Variants in RANBP17 observed in about 807,000 individuals in gnomAD.
RANBP17 encodes the protein ran-binding protein 17.
In RANBP17, 158 loss-of-function variants were observed where a neutral mutation model predicts 141.2. The observed-to-expected ratio is 1.12, with a 90% CI of 0.98 to 1.28. The LOEUF (loss-of-function observed/expected upper bound fraction) is 1.28, where lower values mean the gene tolerates loss of function less well. Among genes scored for constraint, RANBP17 ranks in the 50% most tolerant of loss-of-function variants. The pLI, the probability that RANBP17 is intolerant of heterozygous loss-of-function variation, is 0.00. For missense variants in RANBP17, 1,438 were observed against 1,290.7 expected, an observed-to-expected ratio of 1.11 and a Z score of -1.75; for synonymous variants, 430 against 450.0, an observed-to-expected ratio of 0.96 and a Z score of 0.56.
chr5:171,071,829 A>C (rs1305485213), intron 14 of RANBP17, among the ~76,000 whole-genome samples: 1 of 152,074 alleles, frequency 6.6e-6, no homozygotes. Flanking sequence ...TGAGTACTTA[A>C]AATTGACACC....
chr5:170,966,011 A>T (rs1015767095), intron 13 of RANBP17, among the ~76,000 whole-genome samples: 2 of 152,138 alleles, frequency 1.3e-5, no homozygotes, highest in African/African-American at 2.4e-5. Context: ...TTTATCTCTG[A>T]ATAGACCAAT....
At chr5:171,014,210 A>G (rs553836409) in intron 14 of RANBP17, among the ~76,000 whole-genome samples, 2 of 151,808 alleles carry the variant, frequency 1.3e-5, no homozygotes, top group East Asian at 3.9e-4. Flanking sequence ...TAACCTATCT[A>G]TGTCTTTATA....
intron 14 of RANBP17, among the ~76,000 whole-genome samples, chr5:171,089,668 G>A (rs368826372): frequency 0.11 from 16,303 of 152,054 alleles, 1,017 homozygotes; most frequent in Middle Eastern, 0.29. Context: ...GTGGTGCGCC[G>A]TTTTTTAAGC....
At chr5:171,195,797 GTC>G (rs1281969949) in intron 18 of RANBP17, among the ~76,000 whole-genome samples, 1 of 152,166 alleles carries the variant, frequency 6.6e-6, no homozygotes, top group African/African-American at 2.4e-5. Context: ...ATTCCTTTGA[GTC>G]TCTCTGCTCA....
Position 171,278,810 on chromosome 5 carries a change from C to G in RANBP17, c.2943+12963C>G, listed in dbSNP as rs1400451864. ...TTATAGACTTAAGTTTTATCAGAGA[C>G]CACTCTTGACTCGGGAGAGTTGTGA... On this transcript the variant is annotated intron_variant, in intron 25 of 27. Coordinates refer to ENST00000523189, the MANE Select transcript of RANBP17 (RefSeq NM_022897.5). Among the ~76,000 whole-genome samples the G allele has an allele frequency of 3.9e-5, 6 of 152,130 alleles. No individual in the cohort carries two copies. In the East Asian group the frequency reaches 1.2e-3, roughly 29 times the overall value.
chr5:170,985,158 GACAC>G (rs562988464), intron 14 of RANBP17, among the ~76,000 whole-genome samples: 2 of 150,360 alleles, frequency 1.3e-5, no homozygotes, highest in African/African-American at 4.9e-5. Context: ...TGCACACACA[GACAC>G]ACACACACAC....
At position 170,970,945 on chromosome 5, in the gene RANBP17, G is replaced by C. The variant is rs767107437; in HGVS notation, c.1710+2568G>C. On this transcript the variant is annotated intron_variant, in intron 14 of 27. Coordinates refer to ENST00000523189, the MANE Select transcript of RANBP17 (RefSeq NM_022897.5). Reference sequence around the variant, plus strand: ...TGTTTATTGTTATCTGAAAGAGCCTGGCATGTATGTATTGTTTGTATGCTT... The same window carrying C: ...TGTTTATTGTTATCTGAAAGAGCCTCGCATGTATGTATTGTTTGTATGCTT... 4.4e-4 allele frequency among the ~76,000 whole-genome samples: 67 copies of C among 152,050 alleles called. 1 individual carries two copies. Among genetic ancestry groups the C allele is most frequent in the Non-Finnish European group, 1.0e-4 (7 of 67,990 alleles).
At chr5:171,052,243 A>T (rs1222439406) in intron 14 of RANBP17, among the ~76,000 whole-genome samples, 1 of 152,210 alleles carries the variant, frequency 6.6e-6, no homozygotes, top group South Asian at 2.1e-4. Context: ...GAAGCTCAAG[A>T]TTCTTTAATT....
chr5:170,897,098 G>T, intron 5 of RANBP17: 1 of 830,760 alleles, frequency 1.2e-6, no homozygotes, highest in Non-Finnish European at 2.0e-6. Flanking sequence ...GATTGACATG[G>T]TAGAAGGGAT....
At chr5:171,088,523 G>T (rs1387860600) in intron 14 of RANBP17, among the ~76,000 whole-genome samples, 3 of 152,108 alleles carry the variant, frequency 2.0e-5, no homozygotes, top group Non-Finnish European at 4.4e-5. Flanking sequence ...TTGCTAGATT[G>T]GGGAAGTTCT....
chr5:170,882,032 TC>T, intron 3 of RANBP17, 136 bp downstream of exon 3: 1 of 575,558 alleles, frequency 1.7e-6, no homozygotes, highest in Non-Finnish European at 3.1e-6. Context: ...TCTCATTTAC[TC>T]ATCTGTGATG....
chr5:171,114,469 T>C (rs1286827334), intron 14 of RANBP17, among the ~76,000 whole-genome samples: 2 of 151,930 alleles, frequency 1.3e-5, no homozygotes, highest in Non-Finnish European at 2.9e-5. Flanking sequence ...TTAAAGTTAA[T>C]TTTTATGAAA....
chr5:171,092,192 A>G (rs1311092066), intron 14 of RANBP17, among the ~76,000 whole-genome samples: 2 of 152,156 alleles, frequency 1.3e-5, no homozygotes, highest in Non-Finnish European at 2.9e-5. Flanking sequence ...AAACAAAGGA[A>G]AAAAATTTCC....
chr5:171,094,614 T>C (rs990359588), intron 14 of RANBP17, among the ~76,000 whole-genome samples: 3 of 152,166 alleles, frequency 2.0e-5, no homozygotes, highest in African/African-American at 7.2e-5. Flanking sequence ...GAAATGCTCT[T>C]AACTTTTTAC....
intron 3 of RANBP17, among the ~76,000 whole-genome samples, chr5:170,883,343 C>G (rs1335764654): frequency 6.6e-6 from 1 of 152,102 alleles, no homozygotes; most frequent in Non-Finnish European, 1.5e-5. Flanking sequence ...AGAGGACTTC[C>G]GTATAGTCCC....
intron 14 of RANBP17, among the ~76,000 whole-genome samples, chr5:170,976,420 T>G (rs940385820): frequency 1.3e-5 from 2 of 152,146 alleles, no homozygotes; most frequent in Non-Finnish European, 2.9e-5. Flanking sequence ...TTCAAATTGA[T>G]CTACAGGTTT....
Position 171,183,399 on chromosome 5 carries a change from A to G in RANBP17, c.2007A>G (p.Thr669=). The G allele has an allele frequency of 6.2e-7, 1 of 1,613,714 alleles. No homozygotes were observed. Among genetic ancestry groups the G allele is most frequent in the South Asian group, 1.1e-5 (1 of 91,058 alleles). The change falls in exon 18 of 28, where the codon ACA becomes ACG. Residue 669 remains threonine (T), a synonymous_variant. Coordinates refer to ENST00000523189, the MANE Select transcript of RANBP17 (RefSeq NM_022897.5). Reference sequence around the variant, plus strand: ...TCAGGTGTCGAACAACCTTCTACACAGCGCTCACTCGCCTTCTGATGGTAG... The same window carrying G: ...TCAGGTGTCGAACAACCTTCTACACGGCGCTCACTCGCCTTCTGATGGTAG... The part of the protein sequence containing the change: ...SDFRCRTTFY[T]ALTRLLMVDL...
chr5:171,120,421 T>C (rs981202887), intron 14 of RANBP17, among the ~76,000 whole-genome samples: 3 of 152,214 alleles, frequency 2.0e-5, no homozygotes, highest in African/African-American at 7.2e-5. Flanking sequence ...AAGCTGGCAC[T>C]CAAGTCATGA....
chr5:170,983,454 A>G (rs1226440192), intron 14 of RANBP17, among the ~76,000 whole-genome samples: 3 of 152,348 alleles, frequency 2.0e-5, no homozygotes, highest in South Asian at 2.1e-4. Context: ...TCATAGTACC[A>G]TGGAACTTAG....
Sources: allele counts gnomAD v4.1 joint callset (sites outside exome capture counted in the v4.1 genomes callset), GRCh38; gene constraint gnomAD v4.1.1; transcripts MANE v1.5; gene names NCBI Gene and HGNC (gene_info 2026-07-23, HGNC 2026-07-21).